Variants in MDN1 observed in about 807,000 individuals in gnomAD.
The protein encoded by MDN1 is midasin.
Under a neutral mutation model 669.2 loss-of-function variants are expected in MDN1, and 266 were observed. That is an observed-to-expected ratio of 0.40 (90% CI 0.36 to 0.44). MDN1 has a LOEUF of 0.44. Among genes scored for constraint, MDN1 ranks in the 20% least tolerant of loss-of-function variants. MDN1 has a pLI of 1.00. For synonymous variants in MDN1, 2,385 were observed against 2,457.1 expected (o/e 0.97, Z 0.87); for missense variants, 5,940 against 6,754.0 (o/e 0.88, Z 4.22).
intron 84 of MDN1, among the ~76,000 whole-genome samples, chr6:89,665,613 G>A (rs1009459278): frequency 5.3e-5 from 8 of 151,182 alleles, no homozygotes; most frequent in Admixed American, 1.3e-4. Context: ...AGGCTGAGGC[G>A]GGATAACTGC....
At chr6:89,790,134 C>A in intron 6 of MDN1, 25 bp downstream of exon 6, 1 of 1,613,536 alleles carries the variant, frequency 6.2e-7, no homozygotes, top group Non-Finnish European at 8.5e-7. Context: ...TGACAAGCCA[C>A]CAAAACTTAA....
intron 1 of MDN1, among the ~76,000 whole-genome samples, chr6:89,814,308 C>T (rs1283422976): frequency 2.0e-5 from 3 of 151,734 alleles, no homozygotes; most frequent in African/African-American, 7.3e-5. Flanking sequence ...AAACAGATTA[C>T]TAGTAGCAAT....
Position 89,672,678 on chromosome 6 carries a change from A to G in MDN1, c.13499T>C (p.Phe4500Ser). The change falls in exon 81 of 102, where the codon TTT (phenylalanine) becomes TCT (serine). Residue 4500 changes from phenylalanine to serine, a missense_variant. Transcript: ENST00000369393. The stretch of plus-strand genomic sequence containing the variant: ...CATTTGCTCTGAAAAATCTTCCACA[A>G]ATCCTTCGTCCAACATTTGATTTCC... The part of the protein sequence containing the change: ...QGGNQMLDEG[F>S]VEDFSEQMEI... 6.2e-7 allele frequency: 1 copy of G among 1,613,976 alleles called. No homozygotes were observed. Among genetic ancestry groups the G allele is most frequent in the Non-Finnish European group, 8.5e-7 (1 of 1,180,000 alleles).
At chr6:89,755,905 C>T (rs1384966450) in intron 20 of MDN1, among the ~76,000 whole-genome samples, 1 of 152,200 alleles carries the variant, frequency 6.6e-6, no homozygotes, top group African/African-American at 2.4e-5. Flanking sequence ...TTTCTCCTTA[C>T]ATCCCACATA....
intron 1 of MDN1, among the ~76,000 whole-genome samples, chr6:89,805,071 G>C (rs985015557): frequency 9.4e-5 from 14 of 149,336 alleles, no homozygotes; most frequent in Non-Finnish European, 1.8e-4. Context: ...TCTAGTGCCC[G>C]GGTTCAGAAT....
rs1474070660 is a variant in MDN1, at chr6:89,770,328, T to C, written c.2144+1233A>G. Among the ~76,000 whole-genome samples the C allele has an allele frequency of 2.1e-5, 3 of 146,082 alleles. 1 individual carries two copies. The highest frequency in any genetic ancestry group is 4.3e-4 in the South Asian group (2 of 4,648). ...CTGAGGCAGAAGAATCACCTGAACG[T>C]GGGAGCCGGAGGTTGCAGTGAGCAG... On this transcript the variant is annotated intron_variant, in intron 15 of 101. Coordinates refer to ENST00000369393, the MANE Select transcript of MDN1 (RefSeq NM_014611.3).
chr6:89,677,101 TC>T (rs1811249424), intron 76 of MDN1, among the ~76,000 whole-genome samples: 1 of 151,876 alleles, frequency 6.6e-6, no homozygotes, highest in South Asian at 2.1e-4. Context: ...ATGTTTTTTT[TC>T]TTTTTTTTTG....
chr6:89,692,558 G>C lies in MDN1; in HGVS notation c.10472C>G (p.Ala3491Gly), dbSNP rs373987492. 8 of 1,614,140 alleles carry C rather than the reference G, an allele frequency of 5.0e-6. No homozygotes were observed. The African/African-American group carries it at 9.3e-5, about 19-fold the overall frequency. ...CAGCAGCTGCTCCCGAGTGGGACAG[G>C]CTTTCTGGCCCTTGCCTTCCAGCTC... ...GKELEGKGQK[A>G]CPTREQLLMN... Residue 3491 changes from alanine to glycine, a missense_variant, in exon 63 of 102, where the codon GCC becomes GGC. By Grantham distance (60) the Ala-to-Gly change is moderately conservative (BLOSUM62 0). Coordinates refer to ENST00000369393, the MANE Select transcript of MDN1 (RefSeq NM_014611.3).
chr6:89,666,086 C>T (rs1810196899), intron 84 of MDN1, among the ~76,000 whole-genome samples: 2 of 152,144 alleles, frequency 1.3e-5, no homozygotes, highest in Admixed American at 6.6e-5. Context: ...CATAACACCT[C>T]CATCCTCGAA....
intron 11 of MDN1, among the ~76,000 whole-genome samples, chr6:89,777,297 CATG>C (rs1454085582): frequency 1.3e-5 from 2 of 152,130 alleles, no homozygotes; most frequent in Non-Finnish European, 1.5e-5. Flanking sequence ...TAAAGGACAC[CATG>C]AGTGTGGGAT....
chr6:89,777,277 T>G (rs1260850187), intron 11 of MDN1, among the ~76,000 whole-genome samples: 1 of 152,154 alleles, frequency 6.6e-6, no homozygotes, highest in Non-Finnish European at 1.5e-5. Context: ...ATATGAGAGA[T>G]AAAACAATGT....
intron 49 of MDN1, among the ~76,000 whole-genome samples, chr6:89,711,693 C>A (rs72915904): frequency 0.11 from 16,727 of 152,120 alleles, 1,031 homozygotes; most frequent in South Asian, 0.16. Flanking sequence ...AAAACTAATA[C>A]CTTTCCCATA....
chr6:89,653,617 G>A (rs957158752), intron 93 of MDN1, among the ~76,000 whole-genome samples: 5 of 152,298 alleles, frequency 3.3e-5, no homozygotes, highest in Admixed American at 1.3e-4. Flanking sequence ...CAGTTCTAAC[G>A]CTCCTGAGAG....
chr6:89,756,418 T>G, intron 19 of MDN1, 28 bp from the exon 20 acceptor site: 3 of 1,117,734 alleles, frequency 2.7e-6, no homozygotes, highest in Non-Finnish European at 3.9e-6. Context: ...ATAAACACTT[T>G]TTAGGAAGTT....
chr6:89,779,525 A>G (rs1402671044), intron 11 of MDN1, among the ~76,000 whole-genome samples: 1 of 152,224 alleles, frequency 6.6e-6, no homozygotes, highest in Admixed American at 6.5e-5. Context: ...AGCCCTACTG[A>G]GAAAAGTAGA....
At chr6:89,755,268 G>C (rs1478113410) in intron 20 of MDN1, among the ~76,000 whole-genome samples, 1 of 151,696 alleles carries the variant, frequency 6.6e-6, no homozygotes, top group Non-Finnish European at 1.5e-5. Context: ...TCAGGACCAG[G>C]TGCTGTAGCT....
intron 50 of MDN1, among the ~76,000 whole-genome samples, chr6:89,709,308 C>A (rs896935077): frequency 6.6e-6 from 1 of 152,138 alleles, no homozygotes; most frequent in African/African-American, 2.4e-5. Flanking sequence ...AGTAGACTAC[C>A]CAGACTACCC....
In MDN1 at chr6:89,671,098, C is replaced by A; in HGVS notation, c.13795-18G>T. On this transcript the variant is annotated intron_variant, in intron 82 of 101. Coordinates refer to ENST00000369393, the MANE Select transcript of MDN1 (RefSeq NM_014611.3). ...CTGAAGAACTGAGACCAAAACAAAA[C>A]AAAAGGCCTGCTCACACTGCTTGGC... The A allele has an allele frequency of 6.2e-7, 1 of 1,610,738 alleles. No homozygotes were observed. The highest frequency in any genetic ancestry group is 8.5e-7 in the Non-Finnish European group (1 of 1,178,460).
intron 82 of MDN1, 115 bp from the exon 83 acceptor site, chr6:89,671,195 A>ACATT: frequency 8.8e-7 from 1 of 1,130,768 alleles, no homozygotes; most frequent in Non-Finnish European, 1.2e-6. Flanking sequence ...ACTAAATAGT[A>ACATT]CTAATGGCAA....
Sources: gnomAD v4.1 joint callset for allele counts (sites outside exome capture counted in the v4.1 genomes callset) on GRCh38, gnomAD v4.1.1 for gene constraint, MANE v1.5 for transcripts, NCBI Gene and HGNC (gene_info 2026-07-23, HGNC 2026-07-21) for gene names.